Variants in KRT31 observed in about 807,000 individuals in gnomAD.
The protein encoded by KRT31 is keratin 31, also known as keratin, type I cuticular Ha1.
KRT31 carries 27 observed loss-of-function variants against 40.8 expected under a neutral mutation model. That is an observed-to-expected ratio of 0.66 (90% CI 0.49 to 0.91). KRT31 has a LOEUF of 0.91. Among genes scored for constraint, KRT31 ranks in the 40% least tolerant of loss-of-function variants. KRT31 has a pLI of 0.00. For synonymous variants in KRT31, 231 were observed against 231.9 expected (o/e 1.00, Z 0.03); for missense variants, 510 against 544.1 (o/e 0.94, Z 0.62).
chr17:41,396,493 C>T lies in KRT31; in HGVS notation c.515G>A (p.Cys172Tyr), dbSNP rs2018228547. The T allele has an allele frequency of 6.2e-7, 1 of 1,614,086 alleles. No homozygotes were observed. The highest frequency in any genetic ancestry group is 8.5e-7 in the Non-Finnish European group (1 of 1,180,032). Residue 172 changes from cysteine to tyrosine, a missense_variant, in exon 3 of 7, where the codon TGC becomes TAC. Coordinates refer to ENST00000251645, the MANE Select transcript of KRT31 (RefSeq NM_002277.3). ...LRRILDELTL[C>Y]KSDLEAQVES... Reference sequence around the variant, plus strand: ...CACCTGGGCCTCCAGGTCGGACTTGCACAGGGTCAGCTCATCCAGGATCCT... The same window carrying T: ...CACCTGGGCCTCCAGGTCGGACTTGTACAGGGTCAGCTCATCCAGGATCCT...
Position 41,394,985 on chromosome 17 carries a change from G to A in KRT31, c.960C>T (p.Asn320=), listed in dbSNP as rs142694941. Residue 320 remains asparagine, a synonymous_variant, in exon 6 of 7, where the codon AAC becomes AAT. Transcript: ENST00000251645. ...QLSQVQSLIT[N]VESQLAEIRS... is the part of the protein sequence containing the mutation. ...GGATCTCCGCCAGCTGGGACTCCAC[G>A]TTGGTGATCAGGCTCTGCACCTGGG... 132 of 1,614,140 alleles carry A rather than the reference G, an allele frequency of 8.2e-5. No individual in the cohort carries two copies. In the African/African-American group the frequency reaches 1.2e-3, roughly 15 times the overall value.
At position 41,394,959 on chromosome 17, in the gene KRT31, C is replaced by T. The variant is rs1238518166; in HGVS notation, c.986G>A (p.Arg329His). Reference sequence around the variant, plus strand: ...CTGGTTCTGCCGCTCCAGGTCACTGCGGATCTCCGCCAGCTGGGACTCCAC... The same window carrying T: ...CTGGTTCTGCCGCTCCAGGTCACTGTGGATCTCCGCCAGCTGGGACTCCAC... ...TNVESQLAEI[R>H]SDLERQNQEY... Residue 329 changes from arginine (R) to histidine (H), a missense_variant, in exon 6 of 7, where the codon CGC becomes CAC. By Grantham distance (29) the Arg-to-His change is conservative. Coordinates refer to ENST00000251645, the MANE Select transcript of KRT31 (RefSeq NM_002277.3). 2.5e-6 allele frequency: 4 copies of T among 1,614,236 alleles called. No individual in the cohort carries two copies. The South Asian group carries it at 3.3e-5, about 13-fold the overall frequency.
chr17:41,394,512 T>A (rs2018185062), intron 6 of KRT31, among the ~76,000 whole-genome samples: 1 of 152,162 alleles, frequency 6.6e-6, no homozygotes, highest in Admixed American at 6.5e-5. Context: ...TGGTGGTAAT[T>A]ATAAGATCAA....
Position 41,397,267 on chromosome 17 carries a change from C to G in KRT31, c.273G>C (p.Arg91=). 1 of 1,614,232 alleles carries G rather than the reference C, an allele frequency of 6.2e-7. No individual in the cohort carries two copies. The highest frequency in any genetic ancestry group is 1.1e-5 in the South Asian group (1 of 91,080). The change falls in exon 1 of 7, where the codon CGG becomes CGC. Residue 91 remains arginine (R), a synonymous_variant. Transcript: ENST00000251645. ...ACAGCAAGGGCTCCTGCTGCTGAGA[C>G]CGCTCCCGGATGAGGTTCTCCAGCT... ...NAELENLIRE[R]SQQQEPLLCP...
chr17:41,396,009 G>A (rs1416212430), intron 3 of KRT31, among the ~76,000 whole-genome samples: 1 of 151,322 alleles, frequency 6.6e-6, no homozygotes, highest in East Asian at 1.9e-4. Flanking sequence ...CCCCTCCCAA[G>A]AGAGAGGAAG....
At chr17:41,397,164 G>T in intron 1 of KRT31, 28 bp downstream of exon 1, 1 of 1,608,854 alleles carries the variant, frequency 6.2e-7, no homozygotes, top group Non-Finnish European at 8.5e-7. Flanking sequence ...AAACTCTCTT[G>T]CTTGGAGATG....
At position 41,394,926 on chromosome 17, in the gene KRT31, T is replaced by G; in HGVS notation, c.1019A>C (p.Gln340Pro). Reference protein sequence around the residue: ...SDLERQNQEYQVLLDVRARLE... With the variant: ...SDLERQNQEYPVLLDVRARLE... ...CCGGGCACGCACATCCAGCAGCACC[T>G]GGTACTCCTGGTTCTGCCGCTCCAG... The change falls in exon 6 of 7, where the codon CAG (glutamine) becomes CCG (proline). Residue 340 changes from glutamine (Q) to proline (P), a missense_variant. Gln to Pro is a moderately conservative substitution (Grantham distance 76). Transcript: ENST00000251645. The G allele has an allele frequency of 6.2e-7, 1 of 1,614,256 alleles. No individual in the cohort carries two copies. The highest frequency in any genetic ancestry group is 8.5e-7 in the Non-Finnish European group (1 of 1,180,038).
intron 1 of KRT31, 27 bp from the exon 2 acceptor site, chr17:41,397,022 G>A (rs753954670): frequency 2.6e-5 from 41 of 1,593,990 alleles, no homozygotes; most frequent in African/African-American, 4.0e-5. Flanking sequence ...GGCTTAGTGA[G>A]GACTGAAAAT....
At chr17:41,396,721 C>G in intron 2 of KRT31, 145 bp from the exon 3 acceptor site, 2 of 1,051,424 alleles carry the variant, frequency 1.9e-6, no homozygotes, top group Admixed American at 5.2e-5. Context: ...TCCATCAATA[C>G]CCAATATTCA....
chr17:41,395,711 T>A, intron 3 of KRT31, 88 bp from the exon 4 acceptor site: 1 of 1,462,626 alleles, frequency 6.8e-7, no homozygotes, highest in Non-Finnish European at 9.2e-7. Flanking sequence ...CCTGTTAGTC[T>A]ATTTTCTCGG....
Position 41,395,247 on chromosome 17 carries a change from G to A in KRT31, c.874C>T (p.Leu292=). The A allele has an allele frequency of 2.5e-6, 4 of 1,612,696 alleles. No homozygotes were observed. Among genetic ancestry groups the A allele is most frequent in the Non-Finnish European group, 3.4e-6 (4 of 1,180,038 alleles). The part of the protein sequence containing the change: ...LEIELQAQHN[L]RDSLENTLTE... ...CAGCAGGTCTGAACAATACACACCA[G>A]GTTGTGCTGGGCCTGCAGCTCGATC... Residue 292 remains leucine (L), a splice_region_variant and synonymous_variant, in exon 5 of 7, where the codon CTG becomes TTG. Coordinates refer to ENST00000251645, the MANE Select transcript of KRT31 (RefSeq NM_002277.3).
rs1567681758 is a variant in KRT31, at chr17:41,395,036, ACT to A, written c.907_908del (p.Ser303Ter). 1.9e-6 allele frequency: 3 copies of A among 1,614,214 alleles called. No individual in the cohort carries two copies. The highest frequency in any genetic ancestry group is 1.7e-6 in the Non-Finnish European group (2 of 1,180,030). On this transcript the variant is annotated frameshift_variant, in exon 6 of 7. Coordinates refer to ENST00000251645, the MANE Select transcript of KRT31 (RefSeq NM_002277.3). LOFTEE classifies it high-confidence loss of function. ...RDSLENTLTE[S>X]EARYSSQLSQ... Reference sequence around the variant, plus strand: ...ACAGCTGGGAGCTGTAGCGGGCCTCACTCTCTGTCAGCGTGTTTTCCAGAGAG... The same window carrying A: ...ACAGCTGGGAGCTGTAGCGGGCCTCACTCTGTCAGCGTGTTTTCCAGAGAG...
intron 3 of KRT31, 50 bp from the exon 4 acceptor site, chr17:41,395,673 T>A (rs768539040): frequency 2.7e-5 from 43 of 1,578,632 alleles, no homozygotes; most frequent in Non-Finnish European, 3.4e-5. Flanking sequence ...AAGAATGAAC[T>A]CTAAGGAATG....
chr17:41,395,984 A>T (rs933329351), intron 3 of KRT31, among the ~76,000 whole-genome samples: 8 of 152,244 alleles, frequency 5.3e-5, no homozygotes, highest in Non-Finnish European at 1.0e-4. Flanking sequence ...AGTAAGAGGT[A>T]AGAGCATGTC....
chr17:41,395,626 A>T lies in KRT31; in HGVS notation c.589-3T>A. 3 of 1,613,036 alleles carry T rather than the reference A, an allele frequency of 1.9e-6. No individual in the cohort carries two copies. The highest frequency in any genetic ancestry group is 1.3e-5 in the African/African-American group (1 of 75,002). On this transcript the variant is annotated splice_polypyrimidine_tract_variant and splice_region_variant and intron_variant, in intron 3 of 6. Coordinates refer to ENST00000251645, the MANE Select transcript of KRT31 (RefSeq NM_002277.3). ...TGGCAGCGCAGGGTATTGACCTCCT[A>T]TGGATGCAGAAAATACAAGAGTTAC...
Position 41,397,336 on chromosome 17 carries a change from G to A in KRT31, c.204C>T (p.Ala68=). 1.2e-6 allele frequency: 2 copies of A among 1,613,994 alleles called. No homozygotes were observed. The highest frequency in any genetic ancestry group is 1.7e-6 in the Non-Finnish European group (2 of 1,180,054). Residue 68 remains alanine (A), a synonymous_variant, in exon 1 of 7, where the codon GCC becomes GCT. Transcript: ENST00000251645. ...GCTGACGCACTTTCTCCAGGTAGCT[G>A]GCCAGGCGGTCGTTCAGGAACTGCA... ...ETMQFLNDRL[A]SYLEKVRQLE...
chr17:41,397,603 AG>A lies in KRT31; in HGVS notation c.-65del. 1 of 1,521,564 alleles carries A rather than the reference AG, an allele frequency of 6.6e-7. No homozygotes were observed. Among genetic ancestry groups the A allele is most frequent in the Non-Finnish European group, 8.8e-7 (1 of 1,130,902 alleles). The allele number at this position is 1,521,564 out of a possible 1,614,324, so 94.3% of individuals were successfully genotyped here. On this transcript the variant is annotated 5_prime_UTR_variant, in exon 1 of 7. Coordinates refer to ENST00000251645, the MANE Select transcript of KRT31 (RefSeq NM_002277.3). ...AGAGTCTAAATTCTCCAAGCCACAG[AG>A]CTGTGGGTCTCCTTCCTCTAGGGAG...
intron 5 of KRT31, 46 bp from the exon 6 acceptor site, chr17:41,395,114 G>A (rs774361936): frequency 6.2e-7 from 1 of 1,611,912 alleles, no homozygotes; most frequent in South Asian, 1.1e-5. Flanking sequence ...CTCCTTCAAA[G>A]GGTTTCTTCA....
chr17:41,396,412 A>G lies in KRT31; in HGVS notation c.588+8T>C. On this transcript the variant is annotated splice_region_variant and intron_variant, in intron 3 of 6. Transcript: ENST00000251645. ...ACAGGTTTGTGCATTTCTCATTTCTAGTCTCACCTGCTCATGGTTGCTCTT... is the reference window on the plus strand; with the variant it reads ...ACAGGTTTGTGCATTTCTCATTTCTGGTCTCACCTGCTCATGGTTGCTCTT... 1 of 1,612,506 alleles carries G rather than the reference A, an allele frequency of 6.2e-7. No individual in the cohort carries two copies.
Sources: allele counts gnomAD v4.1 joint callset (sites outside exome capture counted in the v4.1 genomes callset), GRCh38; gene constraint gnomAD v4.1.1; transcripts MANE v1.5; gene names NCBI Gene and HGNC (gene_info 2026-07-23, HGNC 2026-07-21).